Variants in KLF8 observed in about 807,000 individuals in gnomAD.
KLF8 encodes the protein Krueppel-like factor 8.
A neutral mutation model predicts 18.2 loss-of-function variants in KLF8; 10 were observed. The observed-to-expected ratio is 0.55, with a 90% confidence interval of 0.34 to 0.93. KLF8 has a LOEUF of 0.93. Among genes scored for constraint, KLF8 ranks in the 40% least tolerant of loss-of-function variants. The pLI is 0.02. For missense variants in KLF8, 264 were observed against 277.9 expected (o/e 0.95, Z 0.36); for synonymous variants, 109 against 97.3 (o/e 1.12, Z -0.71).
At chrX:56,256,085 T>G (rs1321569262) in intron 2 of KLF8, among the ~76,000 whole-genome samples, 1 of 111,628 alleles carries the variant, frequency 9.0e-6, no homozygotes, top group Admixed American at 9.5e-5. Context: ...TGTTCATGTT[T>G]TGGATTTCAT....
the KLF8 span, among the ~76,000 whole-genome samples, chrX:56,080,651 A>G: frequency 1.8e-5 from 2 of 110,631 alleles, no homozygotes; most frequent in Non-Finnish European, 3.8e-5. Flanking sequence ...CTCGAGGAGT[A>G]TCTTTGTGGC....
At chrX:55,951,292 A>T in the KLF8 span, among the ~76,000 whole-genome samples, 1 of 109,353 alleles carries the variant, frequency 9.1e-6, no homozygotes, top group African/African-American at 3.3e-5. Flanking sequence ...CCTGGCCAAC[A>T]TGGTGAAACC....
At chrX:56,237,439 A>C (rs758091701) in intron 1 of KLF8, among the ~76,000 whole-genome samples, 10 of 109,824 alleles carry the variant, frequency 9.1e-5, no homozygotes, top group Non-Finnish European at 7.6e-5. Flanking sequence ...GTGTGTATAT[A>C]TATATCCCCT....
upstream of KLF8, among the ~76,000 whole-genome samples, chrX:56,232,128 C>A (rs1020191632): frequency 2.7e-5 from 3 of 111,853 alleles, no homozygotes; most frequent in African/African-American, 9.8e-5. Flanking sequence ...CCACCCTCCC[C>A]TGGAGAATTA....
the KLF8 span, among the ~76,000 whole-genome samples, chrX:55,971,417 T>G: frequency 9.0e-6 from 1 of 111,070 alleles, no homozygotes; most frequent in African/African-American, 3.3e-5. Flanking sequence ...CAAATCAAAA[T>G]TGATTAACGA....
chrX:56,188,369 G>T, the KLF8 span, among the ~76,000 whole-genome samples: 1 of 111,630 alleles, frequency 9.0e-6, no homozygotes, highest in Admixed American at 9.5e-5. Context: ...TGAAATAAAA[G>T]AGGATACAAA....
chrX:56,172,807 G>T, the KLF8 span, among the ~76,000 whole-genome samples: 1 of 111,886 alleles, frequency 8.9e-6, no homozygotes, highest in Non-Finnish European at 1.9e-5. Flanking sequence ...TGTAACTGGT[G>T]TGAGATGGTA....
At chrX:56,050,915 A>T in the KLF8 span, among the ~76,000 whole-genome samples, 2 of 108,925 alleles carry the variant, frequency 1.8e-5, no homozygotes, top group South Asian at 8.3e-4. Flanking sequence ...GTCTCTTTGT[A>T]GGTCACTCAG....
At chrX:56,159,345 T>A in the KLF8 span, among the ~76,000 whole-genome samples, 1 of 111,767 alleles carries the variant, frequency 8.9e-6, no homozygotes, top group Non-Finnish European at 1.9e-5. Flanking sequence ...GGCCTAAAAT[T>A]CTCTTTTTTT....
chrX:56,258,371 C>G (rs1439586800), intron 2 of KLF8, among the ~76,000 whole-genome samples: 1 of 112,042 alleles, frequency 8.9e-6, no homozygotes, highest in South Asian at 3.7e-4. Flanking sequence ...CTCCTGCGTT[C>G]ACGCCATTCT....
the KLF8 span, among the ~76,000 whole-genome samples, chrX:56,213,405 T>A: frequency 1.2e-5 from 1 of 86,222 alleles, no homozygotes; most frequent in Non-Finnish European, 2.2e-5. Flanking sequence ...CACTGCAACC[T>A]CTGCCTCCCA....
At chrX:56,010,158 A>T in the KLF8 span, among the ~76,000 whole-genome samples, 7 of 111,325 alleles carry the variant, frequency 6.3e-5, no homozygotes, top group South Asian at 7.7e-4. Flanking sequence ...ACACATAATC[A>T]TCAGATTCTC....
the KLF8 span, chrX:55,962,357 C>A: frequency 9.5e-6 from 2 of 209,589 alleles, no homozygotes; most frequent in South Asian, 7.3e-5. Context: ...AAAGCCTGAT[C>A]AGGTGGAGCA....
the KLF8 span, among the ~76,000 whole-genome samples, chrX:55,964,535 C>T: frequency 1.1e-4 from 12 of 111,752 alleles, no homozygotes; most frequent in Admixed American, 8.5e-4. Flanking sequence ...CAAGATTGTG[C>T]CACTGCACTC....
At chrX:56,117,936 A>T in the KLF8 span, among the ~76,000 whole-genome samples, 1 of 111,540 alleles carries the variant, frequency 9.0e-6, no homozygotes, top group Non-Finnish European at 1.9e-5. Context: ...GGGTGCCAGA[A>T]TATTGGGTTT....
the KLF8 span, among the ~76,000 whole-genome samples, chrX:55,929,041 C>A: frequency 8.9e-6 from 1 of 112,091 alleles, no homozygotes; most frequent in Admixed American, 9.4e-5. Flanking sequence ...CTGTTGTATC[C>A]TGAGTTTTTA....
chrX:56,148,993 C>T, the KLF8 span, among the ~76,000 whole-genome samples: 1 of 112,054 alleles, frequency 8.9e-6, no homozygotes, highest in Non-Finnish European at 1.9e-5. Context: ...CTTCATAGCC[C>T]ATATAAAGGG....
At chrX:55,935,314 C>A in the KLF8 span, among the ~76,000 whole-genome samples, 6 of 111,775 alleles carry the variant, frequency 5.4e-5, no homozygotes, top group Non-Finnish European at 9.4e-5. Context: ...CCTTCCTGCT[C>A]CAAATGTGGT....
the KLF8 span, among the ~76,000 whole-genome samples, chrX:56,220,614 T>C: frequency 9.0e-6 from 1 of 111,057 alleles, no homozygotes; most frequent in Non-Finnish European, 1.9e-5. Flanking sequence ...GCCTCCCGAG[T>C]AGTTGGGACT....
Sources: gnomAD v4.1 joint callset for allele counts (sites outside exome capture counted in the v4.1 genomes callset) on GRCh38, gnomAD v4.1.1 for gene constraint, MANE v1.5 for transcripts, NCBI Gene and HGNC (gene_info 2026-07-23, HGNC 2026-07-21) for gene names.